HDAC8: variants seen among roughly 807,000 people sequenced by gnomAD.
HDAC8 encodes the protein histone deacetylase-like 1.
Under a neutral mutation model 32.2 loss-of-function variants are expected in HDAC8, and 1 was observed. That is an observed-to-expected ratio of 0.03 (90% confidence interval 0.01 to 0.15). The LOEUF is 0.15. Ranked by LOEUF, HDAC8 falls within the 10% of genes least tolerant of loss-of-function variation. The pLI, the probability that HDAC8 is intolerant of heterozygous loss-of-function variation, is 1.00. For synonymous variants in HDAC8, 108 were observed against 113.9 expected (o/e 0.95, Z 0.33); for missense variants, 117 against 300.0 (o/e 0.39, Z 4.51).
intron 9 of HDAC8, among the ~76,000 whole-genome samples, chrX:72,395,897 G>A (rs938242957): frequency 8.9e-6 from 1 of 112,032 alleles, no homozygotes; most frequent in Non-Finnish European, 1.9e-5. Context: ...CAATAGAGAG[G>A]AGCTTAGTTA....
intron 4 of HDAC8, among the ~76,000 whole-genome samples, chrX:72,552,524 G>A (rs1398484797): frequency 9.1e-6 from 1 of 110,153 alleles, no homozygotes; most frequent in Non-Finnish European, 1.9e-5. Context: ...GGCGGCAGGA[G>A]AATCACTTGA....
At position 72,546,826 on chromosome X, in the gene HDAC8, G is replaced by A. The variant is rs781949347; in HGVS notation, c.437+21063C>T. Among the ~76,000 whole-genome samples the A allele has an allele frequency of 7.2e-5, 8 of 111,026 alleles. No homozygotes were observed. In the South Asian group the frequency reaches 2.3e-3, roughly 32 times the overall value. ...ACCACACTCATTCTTGACTTCTTTC[G>A]CTCTGGCTTCACAAGAGATGCTTCT... is the stretch of plus-strand genomic sequence containing the variant. On this transcript the variant is annotated intron_variant, in intron 4 of 10. Transcript: ENST00000373573.
chrX:72,496,088 G>A (rs1435056876), intron 4 of HDAC8, among the ~76,000 whole-genome samples: 2 of 110,477 alleles, frequency 1.8e-5, no homozygotes, highest in African/African-American at 6.6e-5. Flanking sequence ...TATTTTTAAG[G>A]CCTCATCCTA....
intron 9 of HDAC8, among the ~76,000 whole-genome samples, chrX:72,380,495 T>G (rs1329612466): frequency 8.9e-6 from 1 of 112,056 alleles, no homozygotes; most frequent in Non-Finnish European, 1.9e-5. Flanking sequence ...GATTGTAGGC[T>G]GTTGGTTTTC....
intron 7 of HDAC8, among the ~76,000 whole-genome samples, chrX:72,486,792 G>A (rs1220316750): frequency 8.9e-6 from 1 of 112,300 alleles, no homozygotes; most frequent in African/African-American, 3.2e-5. Flanking sequence ...TAGAATAAAA[G>A]TATGTTTCCT....
chrX:72,329,837 T>G lies in HDAC8; in HGVS notation c.*217A>C. On this transcript the variant is annotated 3_prime_UTR_variant, in exon 11 of 11. Coordinates refer to ENST00000373573, the MANE Select transcript of HDAC8 (RefSeq NM_018486.3). ...AAATAAGAACTTTAAATGTGGGATA[T>G]CTCCTTCTTCCCCTAGGTCCAGTTG... The G allele has an allele frequency of 2.1e-6, 2 of 966,556 alleles. No homozygotes were observed. Among genetic ancestry groups the G allele is most frequent in the Non-Finnish European group, 2.9e-6 (2 of 700,585 alleles). The allele number at this position is 966,556 out of a possible 1,213,427, so 79.7% of individuals were successfully genotyped here.
In HDAC8 at chrX:72,456,515, T is replaced by C. The variant is rs188382839; in HGVS notation, c.1005+5489A>G. Among the ~76,000 whole-genome samples, 380 of 111,674 alleles carry C rather than the reference T, an allele frequency of 3.4e-3. 2 individuals carry two copies. Among genetic ancestry groups the C allele is most frequent in the African/African-American group, 0.012 (360 of 30,820 alleles). On this transcript the variant is annotated intron_variant, in intron 9 of 10. Transcript: ENST00000373573. Reference sequence around the variant, plus strand: ...TCTAATAAGTTAAAAATGCATACTATAGGCTGGGCATGGTGGCTCACACCT... The same window carrying C: ...TCTAATAAGTTAAAAATGCATACTACAGGCTGGGCATGGTGGCTCACACCT...
intron 4 of HDAC8, among the ~76,000 whole-genome samples, chrX:72,532,401 C>T (rs1372648409): frequency 9.2e-6 from 1 of 108,710 alleles, no homozygotes; most frequent in Non-Finnish European, 1.9e-5. Context: ...GCCAGCTGTA[C>T]CATTTTAGAT....
At chrX:72,511,590 A>T (rs1167948367) in intron 4 of HDAC8, among the ~76,000 whole-genome samples, 1 of 111,872 alleles carries the variant, frequency 8.9e-6, no homozygotes, top group East Asian at 2.8e-4. Context: ...TGGAGTTTAT[A>T]TTAGGTGTGG....
intron 9 of HDAC8, among the ~76,000 whole-genome samples, chrX:72,372,268 C>A (rs1200583576): frequency 9.0e-6 from 1 of 111,474 alleles, no homozygotes; most frequent in Non-Finnish European, 1.9e-5. Context: ...CTTCCTACCT[C>A]CACACTATTC....
At chrX:72,541,593 AC>A (rs2050710095) in intron 4 of HDAC8, among the ~76,000 whole-genome samples, 2 of 111,817 alleles carry the variant, frequency 1.8e-5, no homozygotes, top group African/African-American at 6.5e-5. Flanking sequence ...AGAAGCAGGA[AC>A]GCTAGCTGGG....
At chrX:72,358,058 C>T (rs530487286) in intron 9 of HDAC8, among the ~76,000 whole-genome samples, 1 of 109,965 alleles carries the variant, frequency 9.1e-6, no homozygotes, top group Admixed American at 9.7e-5. Context: ...GCGCGCACCA[C>T]CACGTCTGGC....
intron 10 of HDAC8, among the ~76,000 whole-genome samples, chrX:72,347,017 A>C (rs1347441345): frequency 9.0e-6 from 1 of 111,317 alleles, no homozygotes; most frequent in Non-Finnish European, 1.9e-5. Context: ...AAGGTCAAAC[A>C]GCCTGACTCT....
chrX:72,374,547 C>A (rs2044992529), intron 9 of HDAC8, among the ~76,000 whole-genome samples: 1 of 110,912 alleles, frequency 9.0e-6, no homozygotes, highest in African/African-American at 3.3e-5. Context: ...TAGCACACGC[C>A]TGTAGTCCCA....
chrX:72,385,686 G>GTT, intron 9 of HDAC8, among the ~76,000 whole-genome samples: 1 of 111,611 alleles, frequency 9.0e-6, no homozygotes, highest in Non-Finnish European at 1.9e-5. Flanking sequence ...AGCTTACCAT[G>GTT]TTTTGCTCAG....
chrX:72,488,736 G>A (rs1316364504), intron 7 of HDAC8, among the ~76,000 whole-genome samples, 197 bp downstream of exon 7: 4 of 111,559 alleles, frequency 3.6e-5, no homozygotes, highest in African/African-American at 1.3e-4. Flanking sequence ...CTGGAGCATG[G>A]CTCTGGTCCA....
At chrX:72,421,158 T>C (rs2046477427) in intron 9 of HDAC8, among the ~76,000 whole-genome samples, 1 of 111,721 alleles carries the variant, frequency 9.0e-6, no homozygotes, top group African/African-American at 3.3e-5. Flanking sequence ...GGGATTACAA[T>C]CAATATCCTA....
intron 4 of HDAC8, among the ~76,000 whole-genome samples, chrX:72,526,720 C>T (rs1466445923): frequency 9.0e-6 from 1 of 111,641 alleles, no homozygotes; most frequent in Non-Finnish European, 1.9e-5. Flanking sequence ...ACACCATGAC[C>T]AATGATGACA....
At chrX:72,437,439 CAGG>C (rs2046984379) in intron 9 of HDAC8, among the ~76,000 whole-genome samples, 1 of 111,246 alleles carries the variant, frequency 9.0e-6, no homozygotes, top group Admixed American at 9.5e-5. Context: ...GAGCTAGCTT[CAGG>C]AGTTTTTTTT....
Sources: allele counts gnomAD v4.1 joint callset (sites outside exome capture counted in the v4.1 genomes callset), GRCh38; gene constraint gnomAD v4.1.1; transcripts MANE v1.5; gene names NCBI Gene and HGNC (gene_info 2026-07-23, HGNC 2026-07-21).